Variants in SLC8A1 observed in about 807,000 individuals in gnomAD.
The protein encoded by SLC8A1 is sodium/calcium exchanger 1.
In SLC8A1, 18 loss-of-function variants were observed where a neutral mutation model predicts 68.3. The observed-to-expected ratio is 0.26, with a 90% CI of 0.18 to 0.39. The LOEUF is 0.39. Among genes scored for constraint, SLC8A1 ranks in the 10% least tolerant of loss-of-function variants. The pLI, the probability that SLC8A1 is intolerant of heterozygous loss-of-function variation, is 1.00. For synonymous variants in SLC8A1, 475 were observed against 415.5 expected, an observed-to-expected ratio of 1.14 and a Z score of -1.74; for missense variants, 985 against 1,156.7, an observed-to-expected ratio of 0.85 and a Z score of 2.15.
chr2:40,397,080 T>TA (rs1227391763), intron 2 of SLC8A1, among the ~76,000 whole-genome samples: 5 of 152,224 alleles, frequency 3.3e-5, no homozygotes, highest in Non-Finnish European at 7.3e-5. Context: ...GTGGATCAGT[T>TA]AATTTTATTG....
intron 2 of SLC8A1, among the ~76,000 whole-genome samples, chr2:40,192,373 T>A (rs1156653074): frequency 3.9e-5 from 6 of 152,196 alleles, no homozygotes; most frequent in African/African-American, 1.4e-4. Context: ...GAGTTTTTTT[T>A]ACATTTATAT....
intron 2 of SLC8A1, among the ~76,000 whole-genome samples, chr2:40,323,489 G>C (rs2075451422): frequency 1.3e-5 from 2 of 152,078 alleles, no homozygotes; most frequent in Non-Finnish European, 2.9e-5. Context: ...TCTGGATTCT[G>C]ACTTACTTGC....
chr2:40,420,504 A>T (rs1183713081), intron 2 of SLC8A1, among the ~76,000 whole-genome samples: 1 of 152,192 alleles, frequency 6.6e-6, no homozygotes, highest in East Asian at 1.9e-4. Flanking sequence ...TTCTTTTTAA[A>T]AACTAGGAAC....
chr2:40,391,306 C>T (rs1161249593), intron 2 of SLC8A1, among the ~76,000 whole-genome samples: 2 of 151,638 alleles, frequency 1.3e-5, no homozygotes, highest in Admixed American at 1.3e-4. Context: ...ATTTGCTACT[C>T]AGAAAGGGAA....
chr2:40,356,018 G>A (rs566238966), intron 2 of SLC8A1, among the ~76,000 whole-genome samples: 73 of 152,088 alleles, frequency 4.8e-4, no homozygotes, highest in Non-Finnish European at 9.7e-4. Flanking sequence ...AGTCACTGAT[G>A]GTTACGCACA....
intron 2 of SLC8A1, among the ~76,000 whole-genome samples, chr2:40,346,680 A>G (rs1040461339): frequency 6.6e-6 from 1 of 152,196 alleles, no homozygotes; most frequent in Admixed American, 6.5e-5. Flanking sequence ...GAGGGGAAAA[A>G]GTCTGAGTGC....
At chr2:40,247,859 C>A (rs552747835) in intron 2 of SLC8A1, among the ~76,000 whole-genome samples, 64 of 152,264 alleles carry the variant, frequency 4.2e-4, no homozygotes, top group Middle Eastern at 3.4e-3. Flanking sequence ...AATTATAGAA[C>A]AGGACTCCAC....
intron 2 of SLC8A1, among the ~76,000 whole-genome samples, chr2:40,237,144 G>A (rs554371676): frequency 1.3e-3 from 203 of 151,950 alleles, no homozygotes; most frequent in Non-Finnish European, 2.1e-3. Context: ...GAATCTGAAC[G>A]TTGGCCTGCC....
intron 2 of SLC8A1, among the ~76,000 whole-genome samples, chr2:40,347,836 A>G (rs1328460128): frequency 6.6e-6 from 1 of 152,224 alleles, no homozygotes; most frequent in Non-Finnish European, 1.5e-5. Flanking sequence ...CAAAGTCCAT[A>G]CATTTTCATC....
intron 2 of SLC8A1, among the ~76,000 whole-genome samples, chr2:40,407,715 T>C (rs1486020269): frequency 6.6e-6 from 1 of 152,196 alleles, no homozygotes; most frequent in African/African-American, 2.4e-5. Context: ...TGTTTACCCT[T>C]ATGTCCCCAA....
rs1558651748 is a variant in SLC8A1, at chr2:40,182,114, GCT to G, written c.1809-4261_1809-4260del. On this transcript the variant is annotated intron_variant, in intron 2 of 7. Coordinates refer to ENST00000406785, the Ensembl canonical transcript of SLC8A1. ...TCCCTGAGAACCTACATCCATTTTG[GCT>G]GTTCTGTTCTGTTTACCAACGGGAA... Among the ~76,000 whole-genome samples, 385 of 152,266 alleles carry G rather than the reference GCT, an allele frequency of 2.5e-3. 1 individual carries two copies. The highest frequency in any genetic ancestry group is 8.5e-3 in the African/African-American group (352 of 41,548).
At chr2:40,247,384 C>A (rs906767143) in intron 2 of SLC8A1, among the ~76,000 whole-genome samples, 1 of 152,080 alleles carries the variant, frequency 6.6e-6, no homozygotes, top group Non-Finnish European at 1.5e-5. Context: ...GGATTAATCT[C>A]AGAATATGGC....
chr2:40,217,264 G>C (rs982739506), intron 2 of SLC8A1, among the ~76,000 whole-genome samples: 2 of 152,100 alleles, frequency 1.3e-5, no homozygotes, highest in Non-Finnish European at 2.9e-5. Flanking sequence ...CCCATTGCTT[G>C]TTTCTGTCAG....
At chr2:40,414,333 G>T (rs1216134570) in intron 2 of SLC8A1, among the ~76,000 whole-genome samples, 1 of 152,146 alleles carries the variant, frequency 6.6e-6, no homozygotes, top group Non-Finnish European at 1.5e-5. Flanking sequence ...CATATATGAG[G>T]TCCCTCATGA....
At chr2:40,209,791 C>A (rs576308123) in intron 2 of SLC8A1, among the ~76,000 whole-genome samples, 2 of 152,044 alleles carry the variant, frequency 1.3e-5, no homozygotes, top group Admixed American at 6.6e-5. Flanking sequence ...GGAAGCAAAG[C>A]AAGATCATCA....
At chr2:40,307,156 CACACACACACACACAAACACAT>C (rs1187894744) in intron 2 of SLC8A1, among the ~76,000 whole-genome samples, 16 of 151,318 alleles carry the variant, frequency 1.1e-4, no homozygotes, top group Non-Finnish European at 1.6e-4. Flanking sequence ...TACACACACA[CACACACACACACACAAACACAT>C]ACACACACAC....
intron 1 of SLC8A1, among the ~76,000 whole-genome samples, chr2:40,490,965 C>G (rs543536843): frequency 6.6e-6 from 1 of 152,076 alleles, no homozygotes; most frequent in Non-Finnish European, 1.5e-5. Flanking sequence ...CTTAAAAACC[C>G]GGCCATTCAC....
chr2:40,387,922 AAG>A (rs1684085839), intron 2 of SLC8A1, among the ~76,000 whole-genome samples: 1 of 144,680 alleles, frequency 6.9e-6, no homozygotes, highest in African/African-American at 2.6e-5. Context: ...GGGCTACAGA[AAG>A]AGAGACTGCC....
At chr2:40,172,033 G>A (rs1456092862) in intron 4 of SLC8A1, among the ~76,000 whole-genome samples, 2 of 152,162 alleles carry the variant, frequency 1.3e-5, no homozygotes, top group African/African-American at 4.8e-5. Context: ...ACTCAGCTGC[G>A]CAAGTCCATG....
Sources: allele counts gnomAD v4.1 joint callset (sites outside exome capture counted in the v4.1 genomes callset), GRCh38; gene constraint gnomAD v4.1.1; transcripts MANE v1.5; gene names NCBI Gene and HGNC (gene_info 2026-07-23, HGNC 2026-07-21).